RRAGB: variants seen among roughly 807,000 people sequenced by gnomAD.
RRAGB encodes Ras related GTP binding B, also known as ras-related GTP-binding protein B.
RRAGB carries 6 observed loss-of-function variants against 29.3 expected under a neutral mutation model. The observed-to-expected ratio is 0.21, with a 90% CI of 0.11 to 0.40. RRAGB has a LOEUF of 0.40. RRAGB is among the 10% of genes least tolerant of loss of function. RRAGB has a pLI of 1.00. For missense variants in RRAGB, 184 were observed against 272.9 expected (o/e 0.67, Z 2.29); for synonymous variants, 101 against 92.5 (o/e 1.09, Z -0.53).
rs1195890851 is a variant in RRAGB, at chrX:55,729,422, TCAG to T, written c.293+65_293+67del. Reference sequence around the variant, plus strand: ...GTCAGTAATCGTGGCATCTAGTATATCAGCATGGCGAATACACCTAGAGTAACT... The same window carrying T: ...GTCAGTAATCGTGGCATCTAGTATATCATGGCGAATACACCTAGAGTAACT... On this transcript the variant is annotated intron_variant, in intron 4 of 9. Transcript: ENST00000374941. 2.6e-5 allele frequency: 19 copies of T among 717,755 alleles called. No individual in the cohort carries two copies. In the Admixed American group the frequency reaches 4.4e-4, roughly 17 times the overall value. The allele number at this position is 717,755 out of a possible 1,213,427, so 59.2% of individuals were successfully genotyped here.
intron 4 of RRAGB, among the ~76,000 whole-genome samples, chrX:55,729,775 C>T (rs1253312424): frequency 1.8e-5 from 2 of 112,355 alleles, no homozygotes; most frequent in Non-Finnish European, 3.8e-5. Context: ...CACACATTCT[C>T]TAGCTAAGTT....
Position 55,758,315 on chromosome X carries a change from G to A in RRAGB, c.1013G>A (p.Gly338Glu). Reference protein sequence around the residue: ...KHFEKLERVDGPKQCLLMR With the variant: ...KHFEKLERVDEPKQCLLMR ...TTTGAAAAGCTGGAAAGAGTGGATG[G>A]ACCAAAGCAGTGTCTTCTCATGCGC... The change falls in exon 10 of 10, where the codon GGA becomes GAA. Residue 338 changes from glycine to glutamate, a missense_variant. Transcript: ENST00000374941. The A allele has an allele frequency of 8.3e-7, 1 of 1,199,692 alleles. No homozygotes were observed. The highest frequency in any genetic ancestry group is 1.1e-6 in the Non-Finnish European group (1 of 886,297).
chrX:55,731,358 T>A lies in RRAGB; in HGVS notation c.294-6T>A. 8.5e-7 allele frequency: 1 copy of A among 1,182,836 alleles called. No individual in the cohort carries two copies. Among genetic ancestry groups the A allele is most frequent in the Non-Finnish European group, 1.1e-6 (1 of 872,464 alleles). Reference sequence around the variant, plus strand: ...TTGCTTACTATATATATATTTTTTCTATCAGGCAAGACACCTTCATGGAAA... The same window carrying A: ...TTGCTTACTATATATATATTTTTTCAATCAGGCAAGACACCTTCATGGAAA... On this transcript the variant is annotated splice_region_variant and splice_polypyrimidine_tract_variant and intron_variant, in intron 4 of 9. Transcript: ENST00000374941.
intron 5 of RRAGB, among the ~76,000 whole-genome samples, chrX:55,750,034 C>A (rs1395902916): frequency 2.5e-5 from 2 of 78,435 alleles, no homozygotes; most frequent in Non-Finnish European, 4.8e-5. Context: ...GAGAAACACC[C>A]AAGAATGATC....
intron 5 of RRAGB, 106 bp from the exon 6 acceptor site, chrX:55,750,995 G>A (rs1372357845): frequency 2.0e-6 from 1 of 505,077 alleles, no homozygotes; most frequent in Non-Finnish European, 3.1e-6. Flanking sequence ...ATTCCTCTTA[G>A]AAAGGAACAA....
chrX:55,753,032 A>C (rs2034564115), intron 6 of RRAGB, among the ~76,000 whole-genome samples: 2 of 112,259 alleles, frequency 1.8e-5, no homozygotes, highest in South Asian at 7.3e-4. Context: ...TGTTGGACTT[A>C]AATATTTGTG....
chrX:55,735,438 A>G (rs1044964538), intron 5 of RRAGB, among the ~76,000 whole-genome samples: 6 of 111,198 alleles, frequency 5.4e-5, no homozygotes, highest in Admixed American at 1.9e-4. Context: ...AGTTATTCCC[A>G]CTCACTTTTG....
intron 5 of RRAGB, among the ~76,000 whole-genome samples, chrX:55,747,848 C>CTCCCTCTCCCT: frequency 3.7e-5 from 2 of 53,433 alleles, no homozygotes; most frequent in Non-Finnish European, 1.1e-4. Flanking sequence ...TCCCTCTCCC[C>CTCCCTCTCCCT]ACGGTCTCCC....
At chrX:55,742,097 A>T (rs998741433) in intron 5 of RRAGB, among the ~76,000 whole-genome samples, 1 of 112,557 alleles carries the variant, frequency 8.9e-6, no homozygotes, top group Admixed American at 9.4e-5. Flanking sequence ...TAAAGTTAAC[A>T]ATACTTAAAT....
Position 55,756,437 on chromosome X carries a change from A to G in RRAGB, c.827+505A>G, listed in dbSNP as rs774264570. On this transcript the variant is annotated intron_variant, in intron 8 of 9. Transcript: ENST00000374941. Reference sequence around the variant, plus strand: ...TGAATCTAGGAAAAAGGAATGGCCGAACATCATAATTTAGCAAAGATTTAA... The same window carrying G: ...TGAATCTAGGAAAAAGGAATGGCCGGACATCATAATTTAGCAAAGATTTAA... Among the ~76,000 whole-genome samples, 3 of 112,122 alleles carry G rather than the reference A, an allele frequency of 2.7e-5. No individual in the cohort carries two copies. The South Asian group carries it at 1.1e-3, about 42-fold the overall frequency.
At chrX:55,718,496 T>G in intron 1 of RRAGB, 77 bp downstream of exon 1, 1 of 580,519 alleles carries the variant, frequency 1.7e-6, no homozygotes, top group Non-Finnish European at 2.7e-6. Flanking sequence ...AGAACACTTC[T>G]CCCCACCCCG....
At chrX:55,740,428 AT>A (rs1177673024) in intron 5 of RRAGB, among the ~76,000 whole-genome samples, 1 of 112,152 alleles carries the variant, frequency 8.9e-6, no homozygotes, top group Non-Finnish European at 1.9e-5. Flanking sequence ...CAGTCAACAC[AT>A]TTTTGTCAAC....
Position 55,731,361 on chromosome X carries a change from C to G in RRAGB, c.294-3C>G. 5 of 1,186,305 alleles carry G rather than the reference C, an allele frequency of 4.2e-6. No individual in the cohort carries two copies. Among genetic ancestry groups the G allele is most frequent in the Middle Eastern group, 2.4e-4 (1 of 4,221 alleles). ...CTTACTATATATATATTTTTTCTAT[C>G]AGGCAAGACACCTTCATGGAAAATT... On this transcript the variant is annotated splice_region_variant and splice_polypyrimidine_tract_variant and intron_variant, in intron 4 of 9. Coordinates refer to ENST00000374941, the MANE Select transcript of RRAGB (RefSeq NM_006064.5).
intron 3 of RRAGB, 37 bp from the exon 4 acceptor site, chrX:55,729,257 T>G: frequency 1.0e-6 from 1 of 1,002,042 alleles, no homozygotes. Context: ...TCACTTCACC[T>G]GTTATAATTA....
In RRAGB at chrX:55,726,188, TTTTA is replaced by T. The variant is rs764898915; in HGVS notation, c.227-3103_227-3100del. On this transcript the variant is annotated intron_variant, in intron 3 of 9. Transcript: ENST00000374941. ...GAAAAGCAACATGAGCTGATTTATA[TTTTA>T]TTGTTTTTAATTTTCAGTTTTAATT... Among the ~76,000 whole-genome samples, 3 of 111,458 alleles carry T rather than the reference TTTTA, an allele frequency of 2.7e-5. No homozygotes were observed. In the East Asian group the frequency reaches 8.4e-4, roughly 31 times the overall value.
chrX:55,758,477 A>T lies in RRAGB; in HGVS notation c.*134A>T, dbSNP rs1050178786. 2.5e-5 allele frequency: 10 copies of T among 397,200 alleles called. No individual in the cohort carries two copies. Among genetic ancestry groups the T allele is most frequent in the African/African-American group, 2.3e-4 (9 of 39,488 alleles). The allele number at this position is 397,200 out of a possible 1,213,427, so 32.7% of individuals were successfully genotyped here. ...CTCTACTCCCTAGTCTTAATGTTTA[A>T]CCTTGAATGCTATTAACTTAAATAG... On this transcript the variant is annotated 3_prime_UTR_variant, in exon 10 of 10. Transcript: ENST00000374941.
intron 5 of RRAGB, among the ~76,000 whole-genome samples, chrX:55,740,677 G>A (rs962636575): frequency 3.6e-5 from 4 of 111,618 alleles, no homozygotes; most frequent in African/African-American, 9.8e-5. Flanking sequence ...ATGTGCGGTC[G>A]GGTGTTGTCA....
intron 8 of RRAGB, 91 bp from the exon 9 acceptor site, chrX:55,757,125 C>A: frequency 2.3e-6 from 1 of 435,719 alleles, no homozygotes. Flanking sequence ...TAGTGCTATA[C>A]CTCAATCATC....
In RRAGB at chrX:55,751,215, GT is replaced by G. The variant is rs772144447; in HGVS notation, c.612+21del. Reference sequence around the variant, plus strand: ...CTATAAGGTGTGTATGTCTCCCTGAGTTCCCTCATTTTAAGAGCATGAAAAA... The same window carrying G: ...CTATAAGGTGTGTATGTCTCCCTGAGTCCCTCATTTTAAGAGCATGAAAAA... On this transcript the variant is annotated intron_variant, in intron 6 of 9. Coordinates refer to ENST00000374941, the MANE Select transcript of RRAGB (RefSeq NM_006064.5). The G allele has an allele frequency of 5.5e-6, 5 of 908,826 alleles. No homozygotes were observed. The African/African-American group carries it at 9.9e-5, about 18-fold the overall frequency. The allele number at this position is 908,826 out of a possible 1,213,427, so 74.9% of individuals were successfully genotyped here. A position where few individuals can be genotyped will look rare whatever the true frequency, so the allele number is the denominator to read the frequency against.
Sources: allele counts gnomAD v4.1 joint callset (sites outside exome capture counted in the v4.1 genomes callset), GRCh38; gene constraint gnomAD v4.1.1; transcripts MANE v1.5; gene names NCBI Gene and HGNC (gene_info 2026-07-23, HGNC 2026-07-21).